Variants in LTN1 observed in about 807,000 individuals in gnomAD.
LTN1 encodes listerin E3 ubiquitin protein ligase 1.
In LTN1, 88 loss-of-function variants were observed where a neutral mutation model predicts 201.2. The ratio of observed to expected loss-of-function variants is 0.44; its 90% CI spans 0.37 to 0.52. The LOEUF is 0.52. Ranked by LOEUF, LTN1 falls within the 20% of genes least tolerant of loss-of-function variation. The pLI is 0.00. For missense variants in LTN1, 1,752 were observed against 2,038.7 expected (o/e 0.86, Z 2.71); for synonymous variants, 645 against 713.5 (o/e 0.90, Z 1.53).
At chr21:28,949,519 C>T (rs1283539071) in intron 18 of LTN1, among the ~76,000 whole-genome samples, 2 of 152,138 alleles carry the variant, frequency 1.3e-5, no homozygotes, top group South Asian at 2.1e-4. Context: ...CTCTCACCCT[C>T]GGCCCCAGGC....
At position 28,979,965 on chromosome 21, in the gene LTN1, T is replaced by C. The variant is rs548675820; in HGVS notation, c.810+1154A>G. On this transcript the variant is annotated intron_variant, in intron 6 of 29. Transcript: ENST00000361371. ...CCAACCTGGGTGACAAGAGCGAAAC[T>C]CCATCTGGAAAAATAAACAAAAAAC... Among the ~76,000 whole-genome samples the C allele has an allele frequency of 5.3e-5, 8 of 152,124 alleles. No homozygotes were observed. In the South Asian group the frequency reaches 1.7e-3, roughly 32 times the overall value.
intron 18 of LTN1, among the ~76,000 whole-genome samples, chr21:28,949,433 A>T (rs966450184): frequency 1.3e-5 from 2 of 152,190 alleles, no homozygotes; most frequent in African/African-American, 4.8e-5. Context: ...CATTCACACT[A>T]TTGTGCAACT....
chr21:28,958,721 C>A (rs1021115249), intron 13 of LTN1, among the ~76,000 whole-genome samples, 182 bp from the exon 14 acceptor site: 8 of 152,106 alleles, frequency 5.3e-5, no homozygotes, highest in Non-Finnish European at 8.8e-5. Context: ...AACATGCAAT[C>A]ATACAAGCTA....
intron 11 of LTN1, chr21:28,960,946 C>G (rs912030081): frequency 4.2e-5 from 14 of 334,778 alleles, no homozygotes; most frequent in South Asian, 2.4e-4. Context: ...CCCACCCCCC[C>G]CTTTTTTTTT....
In LTN1 at chr21:28,967,100, A is replaced by G; in HGVS notation, c.1391T>C (p.Leu464Pro). Residue 464 changes from leucine to proline, a missense_variant, in exon 10 of 30, where the codon CTA becomes CCA. Around this residue, in one of 3 missense-constraint regions of LTN1, gnomAD observed 1,211 missense variants for 1,312.8 expected, o/e 0.92. Transcript: ENST00000361371. ...GTCTGCTTTGGCTTCCCAGGAACTT[A>G]GAGTTTCTGCTAAATGGTTAAATAG... Reference protein sequence around the residue: ...GQLFNHLAETLSSWEAKADTE... With the variant: ...GQLFNHLAETPSSWEAKADTE... The G allele has an allele frequency of 6.2e-7, 1 of 1,614,114 alleles. No individual in the cohort carries two copies. Among genetic ancestry groups the G allele is most frequent in the Admixed American group, 1.7e-5 (1 of 60,016 alleles).
intron 1 of LTN1, among the ~76,000 whole-genome samples, chr21:28,990,235 C>G (rs1489013304): frequency 6.6e-6 from 1 of 152,162 alleles, no homozygotes; most frequent in African/African-American, 2.4e-5. Context: ...AGTTCAAGAA[C>G]AGCAGACATC....
intron 1 of LTN1, among the ~76,000 whole-genome samples, chr21:28,991,503 C>T (rs2084745725): frequency 6.6e-6 from 1 of 152,130 alleles, no homozygotes; most frequent in African/African-American, 2.4e-5. Flanking sequence ...CTGCAACTAA[C>T]TCTTATAAGT....
chr21:28,960,781 A>G (rs1011409283), intron 11 of LTN1, 75 bp from the exon 12 acceptor site: 8 of 988,404 alleles, frequency 8.1e-6, no homozygotes, highest in Admixed American at 2.2e-5. Context: ...TACTTGTACC[A>G]TATTACTATC....
chr21:28,943,759 T>C lies in LTN1; in HGVS notation c.4128A>G (p.Pro1376=). The change falls in exon 23 of 30, where the codon CCA becomes CCG. Residue 1376 remains proline (P), a synonymous_variant. Coordinates refer to ENST00000361371, the MANE Select transcript of LTN1 (RefSeq NM_015565.3). ...RLVADQKTNL[P]EYLQTLLNTL... is the part of the protein sequence containing the mutation. Reference sequence around the variant, plus strand: ...TATTTAACAAAGTCTGGAGATATTCTGGTAAGTTTGTTTTTTGGTCAGCAA... The same window carrying C: ...TATTTAACAAAGTCTGGAGATATTCCGGTAAGTTTGTTTTTTGGTCAGCAA... 3 of 1,613,882 alleles carry C rather than the reference T, an allele frequency of 1.9e-6. No individual in the cohort carries two copies. The highest frequency in any genetic ancestry group is 2.5e-6 in the Non-Finnish European group (3 of 1,179,862).
intron 28 of LTN1, 36 bp downstream of exon 28, chr21:28,932,434 A>C (rs1429735563): frequency 6.5e-7 from 1 of 1,542,726 alleles, no homozygotes; most frequent in South Asian, 1.2e-5. Context: ...CATCTTTTCC[A>C]AGTTTGTAAA....
intron 12 of LTN1, 70 bp from the exon 13 acceptor site, chr21:28,959,767 G>A: frequency 2.3e-6 from 3 of 1,279,840 alleles, no homozygotes; most frequent in Non-Finnish European, 2.1e-6. Context: ...ATCTTACTTT[G>A]GATTAATAAT....
Position 28,930,375 on chromosome 21 carries a change from A to G in LTN1, c.*73T>C. The G allele has an allele frequency of 8.7e-7, 1 of 1,153,416 alleles. No homozygotes were observed. Among genetic ancestry groups the G allele is most frequent in the Non-Finnish European group, 1.3e-6 (1 of 789,852 alleles). The allele number at this position is 1,153,416 out of a possible 1,614,324, so 71.4% of individuals were successfully genotyped here. Reference sequence around the variant, plus strand: ...AATGCTCACTGGCTTCCCCACATCCACACTTTCAGACGGATCCAAATCCAA... The same window carrying G: ...AATGCTCACTGGCTTCCCCACATCCGCACTTTCAGACGGATCCAAATCCAA... On this transcript the variant is annotated 3_prime_UTR_variant, in exon 30 of 30. Coordinates refer to ENST00000361371, the MANE Select transcript of LTN1 (RefSeq NM_015565.3).
chr21:28,933,722 G>C (rs2084231110), intron 27 of LTN1, among the ~76,000 whole-genome samples: 1 of 149,482 alleles, frequency 6.7e-6, no homozygotes, highest in African/African-American at 2.5e-5. Flanking sequence ...TGTTGCCCAG[G>C]CTGGAGTGCA....
chr21:28,947,867 C>T (rs1322387835), intron 18 of LTN1, among the ~76,000 whole-genome samples: 1 of 149,784 alleles, frequency 6.7e-6, no homozygotes, highest in Non-Finnish European at 1.5e-5. Context: ...ATTATACTAG[C>T]CACATGACAT....
At chr21:28,951,310 A>G (rs1042954325) in intron 18 of LTN1, among the ~76,000 whole-genome samples, 5 of 152,232 alleles carry the variant, frequency 3.3e-5, no homozygotes, top group African/African-American at 1.2e-4. Context: ...TCTTCTTGGT[A>G]AATCAGTAAA....
chr21:28,984,280 C>T (rs1310958332), intron 4 of LTN1, among the ~76,000 whole-genome samples: 1 of 151,742 alleles, frequency 6.6e-6, no homozygotes, highest in Non-Finnish European at 1.5e-5. Context: ...AACTACAGTA[C>T]ATCCATGTAT....
At position 28,966,574 on chromosome 21, in the gene LTN1, C is replaced by CTGG; in HGVS notation, c.1916_1917insCCA (p.Lys638_Gln639insHis). On this transcript the variant is annotated inframe_insertion, in exon 10 of 30. Coordinates refer to ENST00000361371, the MANE Select transcript of LTN1 (RefSeq NM_015565.3). ...CAAGAGGTTTGGCTTGGACAATACT[C>CTGG]TGTTTTTCATCACCAAGTAGCATTT... The CTGG allele has an allele frequency of 1.2e-6, 2 of 1,614,108 alleles. No individual in the cohort carries two copies. Among genetic ancestry groups the CTGG allele is most frequent in the Non-Finnish European group, 1.7e-6 (2 of 1,180,020 alleles).
In LTN1 at chr21:28,986,769, G is replaced by A. The variant is rs771884216; in HGVS notation, c.208C>T (p.Arg70Trp). Residue 70 changes from arginine to tryptophan, a missense_variant, in exon 2 of 30, where the codon CGG becomes TGG. Transcript: ENST00000361371. The surrounding 1 kb of genome is among the most constrained non-coding windows in gnomAD (Gnocchi z 4.1). ...GTGACATCTTTCTTTGAAAGTTTCC[G>A]CAGCACCATTCGGAAATCAGAATCT... ...LVDSDFRMVL[R>W]KLSKKDVTTK... 7 of 1,613,986 alleles carry A rather than the reference G, an allele frequency of 4.3e-6. No individual in the cohort carries two copies. Among genetic ancestry groups the A allele is most frequent in the Admixed American group, 1.7e-5 (1 of 59,996 alleles).
At chr21:28,938,512 C>G (rs1456646536) in intron 25 of LTN1, among the ~76,000 whole-genome samples, 1 of 152,102 alleles carries the variant, frequency 6.6e-6, no homozygotes, top group East Asian at 1.9e-4. Flanking sequence ...AAAAATTAAT[C>G]ACCAATATCA....
Sources: allele counts gnomAD v4.1 joint callset (sites outside exome capture counted in the v4.1 genomes callset), GRCh38; gene constraint gnomAD v4.1.1; regional missense constraint gnomAD v4.1.1; non-coding constraint Gnocchi (gnomAD v3.1); transcripts MANE v1.5; gene names NCBI Gene and HGNC (gene_info 2026-07-23, HGNC 2026-07-21).